The following FARP1 variants were observed in gnomAD, a reference collection of about 807,000 sequenced individuals.
The protein encoded by FARP1 is FERM, ARH/RhoGEF and pleckstrin domain protein 1.
Under a neutral mutation model 128.8 loss-of-function variants are expected in FARP1, and 52 were observed. The observed-to-expected ratio is 0.40, with a 90% CI of 0.32 to 0.51. The LOEUF is 0.51. FARP1 is among the 20% of genes least tolerant of loss of function. The pLI, the probability that FARP1 is intolerant of heterozygous loss-of-function variation, is 0.45. For synonymous variants in FARP1, 580 were observed against 551.8 expected (o/e 1.05, Z -0.72); for missense variants, 1,333 against 1,367.9 (o/e 0.97, Z 0.40).
intron 6 of FARP1, among the ~76,000 whole-genome samples, chr13:98,381,270 C>G (rs1889878325): frequency 6.6e-6 from 1 of 152,186 alleles, no homozygotes; most frequent in East Asian, 1.9e-4. Flanking sequence ...GTCGTGATTT[C>G]AATTATTGGT....
chr13:98,181,597 A>T (rs951999774), intron 1 of FARP1, among the ~76,000 whole-genome samples: 5 of 135,560 alleles, frequency 3.7e-5, no homozygotes, highest in Non-Finnish European at 7.8e-5. Context: ...TAGAAATAAT[A>T]TTATTTATTT....
intron 16 of FARP1, among the ~76,000 whole-genome samples, chr13:98,414,988 T>C (rs1247096571): frequency 6.6e-6 from 1 of 152,190 alleles, no homozygotes; most frequent in Non-Finnish European, 1.5e-5. Flanking sequence ...AGAAGCACAA[T>C]GTCTGAACAC....
At chr13:98,393,779 C>T in intron 12 of FARP1, 61 bp downstream of exon 12, 1 of 1,317,262 alleles carries the variant, frequency 7.6e-7, no homozygotes, top group Admixed American at 1.8e-5. Flanking sequence ...CCACGGAGCC[C>T]TGGGCTTCAG....
rs1885493090 is a variant in FARP1 at position 98,292,474 on chromosome 13, T to C, written c.172-51288T>C. ...ACTTAATAATAAATGTAGTATCTCA[T>C]GGCCAGGCAGTGCAACATTCAATAC... On this transcript the variant is annotated intron_variant, in intron 2 of 26. Transcript: ENST00000319562. 5.9e-5 allele frequency among the ~76,000 whole-genome samples: 9 copies of C among 152,356 alleles called. No individual in the cohort carries two copies. In the South Asian group the frequency reaches 1.9e-3, roughly 32 times the overall value.
intron 4 of FARP1, 57 bp from the exon 5 acceptor site, chr13:98,368,060 A>T: frequency 7.4e-7 from 1 of 1,358,648 alleles, no homozygotes; most frequent in African/African-American, 1.4e-5. Context: ...TTTTTCTTTA[A>T]TGGCATTTGA....
intron 24 of FARP1, among the ~76,000 whole-genome samples, chr13:98,444,974 G>A (rs1286091685): frequency 6.6e-6 from 1 of 152,204 alleles, no homozygotes; most frequent in African/African-American, 2.4e-5. Context: ...ATGGATGGCT[G>A]GAGCTGCCTG....
intron 1 of FARP1, among the ~76,000 whole-genome samples, chr13:98,169,556 C>T (rs1196135735): frequency 6.6e-6 from 1 of 152,162 alleles, no homozygotes; most frequent in Non-Finnish European, 1.5e-5. Context: ...AAGACCTTGT[C>T]TCGTCTCTTG....
Position 98,177,374 on chromosome 13 carries a change from C to T in FARP1, c.-24+33882C>T, listed in dbSNP as rs1339846513. Reference sequence around the variant, plus strand: ...AGAAAAGCTTCTGCTAGGCCAGGCGCGGTGACTCACTCTTGTAATCCCGGG... The same window carrying T: ...AGAAAAGCTTCTGCTAGGCCAGGCGTGGTGACTCACTCTTGTAATCCCGGG... On this transcript the variant is annotated intron_variant, in intron 1 of 26. Transcript: ENST00000319562. 76 of 656,830 alleles carry T rather than the reference C, an allele frequency of 1.2e-4. No individual in the cohort carries two copies. In the Admixed American group the frequency reaches 1.7e-3, roughly 15 times the overall value. 40.7% of individuals were successfully genotyped at this position (656,830 alleles called of 1,614,324 possible).
At chr13:98,191,903 A>C (rs1879253037) in intron 1 of FARP1, among the ~76,000 whole-genome samples, 1 of 152,230 alleles carries the variant, frequency 6.6e-6, no homozygotes, top group African/African-American at 2.4e-5. Flanking sequence ...AGATCATGCC[A>C]CTGCACTCCA....
rs188640476 is a variant in FARP1, at chr13:98,170,466, C to G, written c.-24+26974C>G. On this transcript the variant is annotated intron_variant, in intron 1 of 26. Coordinates refer to ENST00000319562, the MANE Select transcript of FARP1 (RefSeq NM_005766.4). Reference sequence around the variant, plus strand: ...CCACCTCCCGGGTTCAAGCAATTCTCCTGCCTCGACCTCCTGAGTAGCTGG... The same window carrying G: ...CCACCTCCCGGGTTCAAGCAATTCTGCTGCCTCGACCTCCTGAGTAGCTGG... Among the ~76,000 whole-genome samples, 793 of 152,334 alleles carry G rather than the reference C, an allele frequency of 5.2e-3. 12 individuals are homozygous for G. Among genetic ancestry groups the G allele is most frequent in the African/African-American group, 0.019 (774 of 41,572 alleles).
At chr13:98,259,934 T>C (rs1222534161) in intron 2 of FARP1, among the ~76,000 whole-genome samples, 12 of 141,752 alleles carry the variant, frequency 8.5e-5, no homozygotes, top group Non-Finnish European at 1.9e-4. Flanking sequence ...GAGAAGACCT[T>C]GGGGCAGTTA....
intron 1 of FARP1, among the ~76,000 whole-genome samples, chr13:98,153,364 AT>A (rs71120311): frequency 0.53 from 67,874 of 128,860 alleles, 21,353 homozygotes; most frequent in East Asian, 0.72. Flanking sequence ...AATATATAAA[AT>A]ATGTTATATA....
chr13:98,345,901 C>T (rs1888159064), intron 3 of FARP1, among the ~76,000 whole-genome samples: 1 of 152,184 alleles, frequency 6.6e-6, no homozygotes, highest in Admixed American at 6.5e-5. Context: ...CCATAGTCGG[C>T]CAACGCATGC....
intron 2 of FARP1, among the ~76,000 whole-genome samples, chr13:98,248,412 G>A (rs1194372431): frequency 6.6e-6 from 1 of 152,120 alleles, no homozygotes; most frequent in Non-Finnish European, 1.5e-5. Flanking sequence ...TTTTCCTGTG[G>A]CCATAGACAT....
intron 13 of FARP1, chr13:98,401,710 A>T (rs76191134): frequency 6.6e-6 from 1 of 152,114 alleles, no homozygotes. Flanking sequence ...AAAAAAAAAA[A>T]AGATGAAACC....
intron 2 of FARP1, among the ~76,000 whole-genome samples, chr13:98,318,983 G>A (rs575976228): frequency 2.0e-5 from 1 of 50,714 alleles, no homozygotes; most frequent in Non-Finnish European, 3.7e-5. Context: ...TGTTTGTTTT[G>A]ACAGGATCTC....
chr13:98,225,881 C>CT (rs1276210801), intron 2 of FARP1, among the ~76,000 whole-genome samples: 1 of 152,198 alleles, frequency 6.6e-6, no homozygotes, highest in East Asian at 1.9e-4. Context: ...AAGGTACTGA[C>CT]TGAAAACAAG....
At chr13:98,371,218 GTT>G (rs33975048) in intron 5 of FARP1, among the ~76,000 whole-genome samples, 31,942 of 124,378 alleles carry the variant, frequency 0.26, 4,102 homozygotes, top group Non-Finnish European at 0.3. Flanking sequence ...CCCGCCCCCC[GTT>G]TTTTTTTTTT....
chr13:98,338,739 CAT>C (rs1479743380), intron 2 of FARP1: 5 of 152,090 alleles, frequency 3.3e-5, no homozygotes, highest in Admixed American at 6.5e-5. Flanking sequence ...ACTGTTTTTC[CAT>C]AGTGGCTGCA....
Sources: allele counts gnomAD v4.1 joint callset (sites outside exome capture counted in the v4.1 genomes callset), GRCh38; gene constraint gnomAD v4.1.1; transcripts MANE v1.5; gene names NCBI Gene and HGNC (gene_info 2026-07-23, HGNC 2026-07-21).